Variants in DENND2B observed in about 807,000 individuals in gnomAD.
DENND2B encodes the protein DENN domain containing 2B.
In DENND2B, 32 loss-of-function variants were observed where a neutral mutation model predicts 116.0. The observed-to-expected ratio is 0.28, with a 90% CI of 0.21 to 0.37. The LOEUF (loss-of-function observed/expected upper bound fraction) is 0.37. Ranked by LOEUF, DENND2B falls within the 10% of genes least tolerant of loss-of-function variation. DENND2B has a pLI of 1.00. For synonymous variants in DENND2B, 588 were observed against 583.9 expected, an observed-to-expected ratio of 1.01 and a Z score of -0.10; for missense variants, 1,276 against 1,477.7, an observed-to-expected ratio of 0.86 and a Z score of 2.24.
chr11:8,905,820 C>T (rs764521666), intron 1 of DENND2B, among the ~76,000 whole-genome samples: 1 of 151,578 alleles, frequency 6.6e-6, no homozygotes, highest in South Asian at 2.1e-4. Context: ...ATTCATATAA[C>T]GGGATAGTAT....
chr11:8,695,923 T>G (rs2040277723), intron 18 of DENND2B: 2 of 283,196 alleles, frequency 7.1e-6, no homozygotes, highest in Non-Finnish European at 1.3e-5. Flanking sequence ...GAAGAAGTAC[T>G]AACCCTGAGG....
chr11:8,703,489 T>C (rs544747453), intron 13 of DENND2B: 1 of 152,280 alleles, frequency 6.6e-6, no homozygotes, highest in Non-Finnish European at 1.5e-5. Flanking sequence ...ACTCCAGCGG[T>C]GAGGGCAGGA....
At chr11:8,872,405 T>A (rs1457427303), upstream of DENND2B, among the ~76,000 whole-genome samples, 1 of 150,276 alleles carries the variant, frequency 6.7e-6, no homozygotes, top group Admixed American at 6.7e-5. Flanking sequence ...GAGAATCCCT[T>A]GAACCCAGGA....
upstream of DENND2B, among the ~76,000 whole-genome samples, chr11:8,873,835 G>A (rs1473000418): frequency 1.3e-5 from 2 of 152,170 alleles, no homozygotes; most frequent in African/African-American, 4.8e-5. Context: ...AGAGACATGT[G>A]ACTTATAAAC....
chr11:8,711,562 C>T (rs1356408037), intron 9 of DENND2B, among the ~76,000 whole-genome samples: 1 of 151,664 alleles, frequency 6.6e-6, no homozygotes, highest in Admixed American at 6.6e-5. Flanking sequence ...CAGAGCGGGG[C>T]TTAAAAAAAA....
At chr11:8,854,016 A>ATTTTTTTTTTTTTTTTTTT (rs71059187) in intron 3 of DENND2B, among the ~76,000 whole-genome samples, 4 of 62,776 alleles carry the variant, frequency 6.4e-5, no homozygotes, top group African/African-American at 2.5e-4. Context: ...GCCCCAGTTA[A>ATTTTTTTTTTTTTTTTTTT]TTTTTTTTTT....
intron 1 of DENND2B, among the ~76,000 whole-genome samples, chr11:8,909,163 G>A (rs1489614092): frequency 1.3e-5 from 2 of 152,192 alleles, no homozygotes; most frequent in African/African-American, 2.4e-5. Context: ...GAAGTAATAT[G>A]TTTGCCCAGA....
chr11:8,746,103 GGCCACAGGGCCTCCTAAGGGGGGCCT>G (rs72273441), intron 2 of DENND2B, among the ~76,000 whole-genome samples: 37,064 of 152,060 alleles, frequency 0.24, 4,691 homozygotes, highest in South Asian at 0.35. Context: ...CAGGGGCTGA[GGCCACAGGGCCTCCTAAGGGGGGCCT>G]GCCACGGCCA....
In DENND2B at chr11:8,730,807, G is replaced by A. The variant is rs1195125734; in HGVS notation, c.483C>T (p.Ser161=). The A allele has an allele frequency of 2.5e-6, 4 of 1,613,050 alleles. No individual in the cohort carries two copies. Among genetic ancestry groups the A allele is most frequent in the Admixed American group, 1.7e-5 (1 of 60,008 alleles). Residue 161 remains serine, a synonymous_variant, in exon 3 of 20, where the codon AGC becomes AGT. Coordinates refer to ENST00000313726, the MANE Select transcript of DENND2B (RefSeq NM_213618.2). The surrounding 1 kb of genome is among the most constrained non-coding windows in gnomAD (Gnocchi z 4.1). ...CTGATATCTTCTCCCGGATGCCCAG[G>A]CTGTGGGCGCGGGTACCGGTACGGG... ...LLTRTGTRAH[S]LGIREKISAW... is the part of the protein sequence containing the mutation.
intron 2 of DENND2B, among the ~76,000 whole-genome samples, chr11:8,860,976 T>C (rs1187169052): frequency 2.0e-5 from 3 of 152,098 alleles, no homozygotes; most frequent in African/African-American, 7.2e-5. Flanking sequence ...GAAAACTGGC[T>C]AGCCACACGC....
intron 1 of DENND2B, among the ~76,000 whole-genome samples, chr11:8,760,250 T>C (rs1316198217): frequency 6.6e-6 from 1 of 152,118 alleles, no homozygotes; most frequent in African/African-American, 2.4e-5. Context: ...CATACCTCCC[T>C]TCCCCTGACC....
intron 1 of DENND2B, among the ~76,000 whole-genome samples, chr11:8,762,993 A>C (rs2054966015): frequency 6.6e-6 from 1 of 152,238 alleles, no homozygotes. Context: ...TGTACTCAGT[A>C]GACCATCCAA....
At chr11:8,724,227 C>A (rs973364175) in intron 4 of DENND2B, among the ~76,000 whole-genome samples, 1 of 151,404 alleles carries the variant, frequency 6.6e-6, no homozygotes, top group African/African-American at 2.4e-5. Context: ...ACCCGGGATG[C>A]GGAGCTTGCA....
intron 1 of DENND2B, among the ~76,000 whole-genome samples, chr11:8,894,672 A>G (rs2064077312): frequency 1.3e-5 from 2 of 152,232 alleles, no homozygotes; most frequent in South Asian, 4.1e-4. Flanking sequence ...TGGCCATCAG[A>G]GAAATGCAAA....
intron 19 of DENND2B, chr11:8,694,442 G>A: frequency 2.2e-6 from 1 of 450,630 alleles, no homozygotes; most frequent in African/African-American, 2.0e-5. Flanking sequence ...TTTGCAGGAA[G>A]GGCACTCGCA....
intron 4 of DENND2B, chr11:8,718,532 A>G (rs1592667381): frequency 4.2e-6 from 6 of 1,439,434 alleles, no homozygotes; most frequent in South Asian, 2.9e-5. Flanking sequence ...TTCAGTAATG[A>G]TCTGTTCGAT....
intron 4 of DENND2B, chr11:8,835,612 G>A (rs139425962): frequency 3.3e-5 from 5 of 152,322 alleles, no homozygotes; most frequent in Admixed American, 6.5e-5. Context: ...ACCTGAGGGA[G>A]ACCTAAATTA....
intron 1 of DENND2B, among the ~76,000 whole-genome samples, chr11:8,760,290 T>C (rs1275434487): frequency 3.9e-5 from 6 of 152,292 alleles, no homozygotes; most frequent in African/African-American, 1.4e-4. Context: ...CGCTGCAAGC[T>C]TCAGTAACCT....
At chr11:8,845,557 G>A (rs919718587) in intron 3 of DENND2B, among the ~76,000 whole-genome samples, 1 of 152,184 alleles carries the variant, frequency 6.6e-6, no homozygotes, top group Admixed American at 6.5e-5. Context: ...AGTCCTAATT[G>A]TTCCTTTGCT....
Sources: allele counts gnomAD v4.1 joint callset (sites outside exome capture counted in the v4.1 genomes callset), GRCh38; gene constraint gnomAD v4.1.1; non-coding constraint Gnocchi (gnomAD v3.1); transcripts MANE v1.5; gene names NCBI Gene and HGNC (gene_info 2026-07-23, HGNC 2026-07-21).